The following ZBTB46 variants were observed in gnomAD, a reference collection of about 807,000 sequenced individuals.
The protein encoded by ZBTB46 is zinc finger and BTB domain containing 46.
ZBTB46 carries 8 observed loss-of-function variants against 44.1 expected under a neutral mutation model. The ratio of observed to expected loss-of-function variants is 0.18; its 90% CI spans 0.11 to 0.33. The LOEUF (loss-of-function observed/expected upper bound fraction) is 0.33, where lower values mean the gene tolerates loss of function less well. ZBTB46 is among the 10% of genes least tolerant of loss of function. The pLI is 1.00. For synonymous variants in ZBTB46, 409 were observed against 382.3 expected (o/e 1.07, Z -0.81); for missense variants, 651 against 847.7 (o/e 0.77, Z 2.88).
intron 1 of ZBTB46, among the ~76,000 whole-genome samples, chr20:63,792,553 G>C (rs1228684531): frequency 6.6e-6 from 1 of 150,516 alleles, no homozygotes; most frequent in Admixed American, 6.6e-5. Context: ...GTCTCGCTCT[G>C]TCCCCCAGGC....
At chr20:63,820,523 C>T (rs896515490) in intron 1 of ZBTB46, among the ~76,000 whole-genome samples, 2 of 151,762 alleles carry the variant, frequency 1.3e-5, no homozygotes, top group Non-Finnish European at 2.9e-5. Flanking sequence ...ACAACCTCCA[C>T]CTCCCCAGTT....
chr20:63,755,780 T>G (rs759250725), intron 3 of ZBTB46, among the ~76,000 whole-genome samples: 4 of 152,220 alleles, frequency 2.6e-5, no homozygotes, highest in Non-Finnish European at 5.9e-5. Context: ...TCACGTAGCT[T>G]CATTCTCATA....
At chr20:63,800,448 C>T (rs532842381) in intron 1 of ZBTB46, among the ~76,000 whole-genome samples, 4 of 152,356 alleles carry the variant, frequency 2.6e-5, no homozygotes, top group South Asian at 2.1e-4. Context: ...TCGACCTCAG[C>T]GCCCACTCTG....
intron 2 of ZBTB46, among the ~76,000 whole-genome samples, chr20:63,789,322 C>A (rs1167597140): frequency 6.6e-6 from 1 of 152,162 alleles, no homozygotes; most frequent in Non-Finnish European, 1.5e-5. Context: ...TGTTTCCATT[C>A]AACATTCACT....
upstream of ZBTB46, among the ~76,000 whole-genome samples, chr20:63,831,591 C>T (rs1217899052): frequency 1.3e-4 from 19 of 148,818 alleles, no homozygotes; most frequent in Admixed American, 1.3e-3. Flanking sequence ...TGGCGGGGGG[C>T]TGGGGCGGCG....
chr20:63,815,811 C>A (rs1568901987), intron 1 of ZBTB46, among the ~76,000 whole-genome samples: 1 of 134,704 alleles, frequency 7.4e-6, no homozygotes, highest in Non-Finnish European at 1.5e-5. Flanking sequence ...TACAGATGGG[C>A]ATAGGTGCAG....
intron 2 of ZBTB46, among the ~76,000 whole-genome samples, chr20:63,785,735 G>A (rs2092509468): frequency 2.0e-5 from 3 of 152,168 alleles, no homozygotes; most frequent in African/African-American, 7.2e-5. Flanking sequence ...GACGGAGGAC[G>A]CAGCTCAGGG....
rs1026931244 is a variant in ZBTB46 at position 63,745,233 on chromosome 20, G to A, written c.*1697C>T. 1 of 152,282 alleles carries A rather than the reference G, an allele frequency of 6.6e-6. No individual in the cohort carries two copies. The highest frequency in any genetic ancestry group is 1.5e-5 in the Non-Finnish European group (1 of 68,072). The allele number at this position is 152,282 out of a possible 1,614,324, so 9.4% of individuals were successfully genotyped here. ...CACACTCCGTGTGCAGAAAAATCTT[G>A]GCCTCTTTCTCCAGCTTTGAGGAGC... On this transcript the variant is annotated 3_prime_UTR_variant, in exon 5 of 5. Coordinates refer to ENST00000245663, the MANE Select transcript of ZBTB46 (RefSeq NM_001369741.1).
chr20:63,819,535 G>A (rs1247417058), intron 1 of ZBTB46, among the ~76,000 whole-genome samples: 3 of 152,130 alleles, frequency 2.0e-5, no homozygotes, highest in African/African-American at 4.8e-5. Flanking sequence ...CACAGACGAT[G>A]GGACCTCCTA....
chr20:63,783,414 C>A (rs764170540), intron 2 of ZBTB46, among the ~76,000 whole-genome samples: 1 of 152,168 alleles, frequency 6.6e-6, no homozygotes, highest in Non-Finnish European at 1.5e-5. Flanking sequence ...GGCGACCGAG[C>A]GAGACTCCGT....
Position 63,790,544 on chromosome 20 carries a change from C to T in ZBTB46, c.214G>A (p.Val72Ile). The T allele has an allele frequency of 2.5e-6, 4 of 1,613,214 alleles. No homozygotes were observed. The highest frequency in any genetic ancestry group is 1.7e-6 in the Non-Finnish European group (2 of 1,179,700). Residue 72 changes from valine to isoleucine, a missense_variant, in exon 2 of 5, where the codon GTC becomes ATC. Transcript: ENST00000245663. ...GCCGTGACGATGTCCAGGTGCGTGA[C>T]CGTGGCCTGCTCCGACGTCTTCTGC... ...QVQKTSEQAT[V>I]THLDIVTAQG... is the part of the protein sequence containing the mutation.
rs374159825 is a variant in ZBTB46 at position 63,790,251 on chromosome 20, C to A, written c.507G>T (p.Pro169=). The A allele has an allele frequency of 6.2e-7, 1 of 1,611,702 alleles. No individual in the cohort carries two copies. The highest frequency in any genetic ancestry group is 8.5e-7 in the Non-Finnish European group (1 of 1,179,308). The change falls in exon 2 of 5, where the codon CCG becomes CCT. Residue 169 remains proline, a synonymous_variant. Coordinates refer to ENST00000245663, the MANE Select transcript of ZBTB46 (RefSeq NM_001369741.1). ...CAGGACTCGTTCGCCGTGCCAGCCA[C>A]GGGGAGATGCTCCTCCCAGCCATCA... is the stretch of plus-strand genomic sequence containing the variant. ...SAVMAGRSIS[P]WLARRTSPAN...
chr20:63,775,556 G>T (rs554576197), intron 3 of ZBTB46, 122 bp downstream of exon 3: 2 of 1,332,904 alleles, frequency 1.5e-6, no homozygotes, highest in South Asian at 1.5e-5. Flanking sequence ...CAACAGGGAG[G>T]TCAGCAGGCG....
At chr20:63,769,762 G>A (rs10485826) in intron 3 of ZBTB46, among the ~76,000 whole-genome samples, 46,185 of 152,074 alleles carry the variant, frequency 0.3, 8,003 homozygotes, top group Admixed American at 0.4. Flanking sequence ...CCCTTTAGTC[G>A]GCAACTGTTC....
rs71197435 is a variant in ZBTB46, at chr20:63,798,674, CA to C, written c.-33-7885del. Among the ~76,000 whole-genome samples, 12 of 18,746 alleles carry C rather than the reference CA, an allele frequency of 6.4e-4. 1 individual carries two copies. In the East Asian group the frequency reaches 0.014, roughly 22 times the overall value. The allele number at this position is 18,746 out of a possible 152,430, so 12.3% of individuals were successfully genotyped here. On this transcript the variant is annotated intron_variant, in intron 1 of 4. Coordinates refer to ENST00000245663, the MANE Select transcript of ZBTB46 (RefSeq NM_001369741.1). ...TGGCCAACAGAGCTAGACTCTGTCT[CA>C]AAAAAAAAAAAAAAAAAATTAGCTG... is the stretch of plus-strand genomic sequence containing the variant.
At chr20:63,819,819 G>T (rs1276764166) in intron 1 of ZBTB46, among the ~76,000 whole-genome samples, 1 of 152,254 alleles carries the variant, frequency 6.6e-6, no homozygotes, top group East Asian at 1.9e-4. Context: ...ACTGACAGCC[G>T]CTTTGTCAGT....
At position 63,789,934 on chromosome 20, in the gene ZBTB46, T is replaced by C; in HGVS notation, c.824A>G (p.Asn275Ser). ...TGTGATGTGCCGGACGGTCTCTTTG[T>C]TTTTCCGATTCTTCCTTCGGCCCGT... ...QPTGRRKNRK[N>S]KETVRHITQQ... The change falls in exon 2 of 5, where the codon AAC becomes AGC. Residue 275 changes from asparagine (N) to serine (S), a missense_variant. Coordinates refer to ENST00000245663, the MANE Select transcript of ZBTB46 (RefSeq NM_001369741.1). 2 of 1,614,070 alleles carry C rather than the reference T, an allele frequency of 1.2e-6. No homozygotes were observed. Among genetic ancestry groups the C allele is most frequent in the Non-Finnish European group, 1.7e-6 (2 of 1,180,036 alleles).
In ZBTB46 at chr20:63,787,976, C is replaced by T. The variant is rs1474694058; in HGVS notation, c.937+1845G>A. The T allele has an allele frequency of 1.3e-5, 2 of 152,328 alleles. No homozygotes were observed. Among genetic ancestry groups the T allele is most frequent in the Non-Finnish European group, 2.9e-5 (2 of 68,102 alleles). The allele number at this position is 152,328 out of a possible 1,614,324, so 9.4% of individuals were successfully genotyped here. ...CGCCACCCACACACGGCATCTGCGA[C>T]ATTTTTCAGGGCCTCCCACCCTGCG... On this transcript the variant is annotated intron_variant, in intron 2 of 4. Coordinates refer to ENST00000245663, the MANE Select transcript of ZBTB46 (RefSeq NM_001369741.1). The surrounding 1 kb of genome is among the most constrained non-coding windows in gnomAD (Gnocchi z 4.6).
chr20:63,816,729 T>C (rs1000021453), intron 1 of ZBTB46, among the ~76,000 whole-genome samples: 38 of 152,152 alleles, frequency 2.5e-4, no homozygotes, highest in African/African-American at 8.9e-4. Flanking sequence ...ATAGGGTCTT[T>C]GCAAATATAA....
Sources: allele counts gnomAD v4.1 joint callset (sites outside exome capture counted in the v4.1 genomes callset), GRCh38; gene constraint gnomAD v4.1.1; non-coding constraint Gnocchi (gnomAD v3.1); transcripts MANE v1.5; gene names NCBI Gene and HGNC (gene_info 2026-07-23, HGNC 2026-07-21).